Variants in ZNF385D observed in about 807,000 individuals in gnomAD.
ZNF385D encodes zinc finger protein 659.
ZNF385D carries 15 observed loss-of-function variants against 35.8 expected under a neutral mutation model. The ratio of observed to expected loss-of-function variants is 0.42; its 90% CI spans 0.28 to 0.64. The LOEUF (loss-of-function observed/expected upper bound fraction) is 0.64, where lower values mean the gene tolerates loss of function less well. Ranked by LOEUF, ZNF385D falls within the 30% of genes least tolerant of loss-of-function variation. The pLI is 0.23. For missense variants in ZNF385D, 474 were observed against 494.6 expected, an observed-to-expected ratio of 0.96 and a Z score of 0.39; for synonymous variants, 212 against 186.8, an observed-to-expected ratio of 1.13 and a Z score of -1.10.
intron 2 of ZNF385D, among the ~76,000 whole-genome samples, chr3:22,320,058 C>CT (rs79055027): frequency 0.016 from 2,304 of 143,102 alleles, 46 homozygotes; most frequent in East Asian, 0.1. Context: ...CACATACAAA[C>CT]TTTTTTTTTT....
At chr3:21,879,688 G>A (rs1337567343) in intron 3 of ZNF385D, among the ~76,000 whole-genome samples, 1 of 151,926 alleles carries the variant, frequency 6.6e-6, no homozygotes, top group Non-Finnish European at 1.5e-5. Flanking sequence ...CATAAAATAA[G>A]CAGCTGTCTC....
At chr3:21,928,913 T>C (rs259480) in intron 3 of ZNF385D, among the ~76,000 whole-genome samples, 9,273 of 152,180 alleles carry the variant, frequency 0.061, 444 homozygotes, top group African/African-American at 0.12. Flanking sequence ...AAGGAAATAA[T>C]ACCAATCCTA....
intron 3 of ZNF385D, chr3:21,562,196 T>A (rs1426297887): frequency 6.6e-6 from 1 of 152,190 alleles, no homozygotes; most frequent in African/African-American, 2.4e-5. Flanking sequence ...AAATTGCTAC[T>A]CTCTCACCAT....
chr3:21,488,259 A>G (rs904226661), intron 4 of ZNF385D, among the ~76,000 whole-genome samples: 2 of 151,974 alleles, frequency 1.3e-5, no homozygotes, highest in African/African-American at 2.4e-5. Flanking sequence ...CAGTAAAGGC[A>G]AAAATGGAAA....
chr3:21,756,646 G>A (rs889760540), intron 3 of ZNF385D, among the ~76,000 whole-genome samples: 4 of 152,162 alleles, frequency 2.6e-5, no homozygotes, highest in Admixed American at 6.5e-5. Flanking sequence ...ACACTGAGTC[G>A]TGGGACATTA....
chr3:22,188,523 C>G (rs1226109090), intron 2 of ZNF385D, among the ~76,000 whole-genome samples: 1 of 151,824 alleles, frequency 6.6e-6, no homozygotes, highest in Non-Finnish European at 1.5e-5. Context: ...GATCTCTGCT[C>G]ACTGCAAGCT....
At chr3:22,003,066 C>T (rs1695951664) in intron 3 of ZNF385D, among the ~76,000 whole-genome samples, 1 of 152,100 alleles carries the variant, frequency 6.6e-6, no homozygotes, top group South Asian at 2.1e-4. Flanking sequence ...TACTGGAAGT[C>T]CTAGCCAGAG....
chr3:21,664,194 G>A (rs939245868), intron 2 of ZNF385D, among the ~76,000 whole-genome samples: 7 of 150,636 alleles, frequency 4.6e-5, no homozygotes, highest in Non-Finnish European at 8.8e-5. Flanking sequence ...CTTACTGATC[G>A]CAGAAAAAGA....
chr3:21,777,915 A>G (rs2071349641), intron 3 of ZNF385D: 1 of 151,816 alleles, frequency 6.6e-6, no homozygotes, highest in African/African-American at 2.4e-5. Flanking sequence ...AAAACCTGAC[A>G]TAAGAAGCGG....
intron 3 of ZNF385D, among the ~76,000 whole-genome samples, chr3:21,888,684 G>A (rs770053125): frequency 1.3e-5 from 2 of 152,236 alleles, no homozygotes; most frequent in Non-Finnish European, 2.9e-5. Context: ...AGGGCAAGTA[G>A]AGGGTAGAGG....
rs1049774256 is a variant in ZNF385D at position 22,357,108 on chromosome 3, T to C, written c.106+15342A>G. Among the ~76,000 whole-genome samples, 40 of 151,922 alleles carry C rather than the reference T, an allele frequency of 2.6e-4. 1 individual carries two copies. Among genetic ancestry groups the C allele is most frequent in the Non-Finnish European group, 5.9e-5 (4 of 67,892 alleles). On this transcript the variant is annotated intron_variant, in intron 2 of 5. Transcript: ENST00000494108. ...ATTATCAAGAAGTTCACATACATAA[T>C]TACATAGTACTTTTCCTGTCTTAAC...
chr3:21,817,810 C>A (rs187662931), intron 3 of ZNF385D, among the ~76,000 whole-genome samples: 3 of 152,122 alleles, frequency 2.0e-5, no homozygotes, highest in Non-Finnish European at 4.4e-5. Flanking sequence ...TTGACCCAGC[C>A]ATCCCATTAC....
Position 22,150,796 on chromosome 3 carries a change from T to G in ZNF385D, c.325+18021A>C, listed in dbSNP as rs3849562. ...GTAGAAGCTTTAGCTTAATCTGATG[T>G]ATATTCATGTGAAAATGCAGACCCA... On this transcript the variant is annotated intron_variant, in intron 3 of 5. Coordinates refer to the ZNF385D transcript ENST00000494108. Among the ~76,000 whole-genome samples, 84 of 152,308 alleles carry G rather than the reference T, an allele frequency of 5.5e-4. 1 individual carries two copies. The South Asian group carries it at 0.015, about 28-fold the overall frequency.
chr3:22,155,163 C>A (rs1705505936), intron 3 of ZNF385D, among the ~76,000 whole-genome samples: 1 of 151,842 alleles, frequency 6.6e-6, no homozygotes, highest in South Asian at 2.1e-4. Context: ...ATCACGTGTA[C>A]CCCGTAAATA....
At chr3:21,525,485 C>T (rs539357837) in intron 3 of ZNF385D, among the ~76,000 whole-genome samples, 93 of 151,858 alleles carry the variant, frequency 6.1e-4, no homozygotes, top group East Asian at 1.4e-3. Flanking sequence ...GTCAGGAGTT[C>T]GAGACCAGCC....
intron 1 of ZNF385D, among the ~76,000 whole-genome samples, chr3:21,727,352 A>G (rs1275410774): frequency 6.6e-6 from 1 of 152,228 alleles, no homozygotes; most frequent in African/African-American, 2.4e-5. Flanking sequence ...GACCTTCTGC[A>G]CAGCAAAAGA....
chr3:21,480,234 C>T (rs935702874), intron 4 of ZNF385D, among the ~76,000 whole-genome samples: 1 of 151,520 alleles, frequency 6.6e-6, no homozygotes, highest in African/African-American at 2.4e-5. Flanking sequence ...TCCCAAGTAG[C>T]TTGGATTACA....
chr3:21,937,731 T>C (rs1438927534), intron 3 of ZNF385D, among the ~76,000 whole-genome samples: 2 of 152,186 alleles, frequency 1.3e-5, no homozygotes, highest in Admixed American at 6.5e-5. Context: ...AAAAATGTGT[T>C]TTCCTTTTAA....
chr3:22,203,202 C>G (rs1696920676), intron 2 of ZNF385D, among the ~76,000 whole-genome samples: 1 of 150,148 alleles, frequency 6.7e-6, no homozygotes, highest in Non-Finnish European at 1.5e-5. Flanking sequence ...ACCAGCTTAG[C>G]CACAACAGGA....
Sources: allele counts gnomAD v4.1 joint callset (sites outside exome capture counted in the v4.1 genomes callset), GRCh38; gene constraint gnomAD v4.1.1; transcripts MANE v1.5; gene names NCBI Gene and HGNC (gene_info 2026-07-23, HGNC 2026-07-21).